The following MED21 variants were observed in gnomAD, a reference collection of about 807,000 sequenced individuals.
MED21 encodes the protein mediator of RNA polymerase II transcription subunit 21.
MED21 carries 9 observed loss-of-function variants against 18.2 expected under a neutral mutation model. The ratio of observed to expected loss-of-function variants is 0.49; its 90% CI spans 0.30 to 0.86. The LOEUF is 0.86. MED21 is among the 40% of genes least tolerant of loss of function. The pLI, the probability that MED21 is intolerant of heterozygous loss-of-function variation, is 0.07. For synonymous variants in MED21, 73 were observed against 60.5 expected (o/e 1.21, Z -0.96); for missense variants, 150 against 170.9 (o/e 0.88, Z 0.68).
rs1941570971 is a variant in MED21, at chr12:27,028,279, A to C, written c.259-6A>C. On this transcript the variant is annotated splice_polypyrimidine_tract_variant and splice_region_variant and intron_variant, in intron 3 of 3. Coordinates refer to ENST00000282892, the MANE Select transcript of MED21 (RefSeq NM_004264.5). ...CTAAAGATTTTAAAATTTGTGTCTT[A>C]TAAAGGCTGCTAGCTTGTATAAGCT... 4 of 1,603,452 alleles carry C rather than the reference A, an allele frequency of 2.5e-6. No homozygotes were observed. The highest frequency in any genetic ancestry group is 3.4e-6 in the Non-Finnish European group (4 of 1,174,288).
In MED21 at chr12:27,029,355, G is replaced by A; in HGVS notation, c.*894G>A. On this transcript the variant is annotated 3_prime_UTR_variant, in exon 4 of 4. Transcript: ENST00000282892. ...TTATTATTGCCAAATAATAATTTGT[G>A]TCAGCATTTTCAACTATGGTTATTC... The A allele has an allele frequency of 1.0e-6, 1 of 985,284 alleles. No individual in the cohort carries two copies. The allele number at this position is 985,284 out of a possible 1,614,324, so 61.0% of individuals were successfully genotyped here.
At chr12:27,037,740 G>A (rs1359996656) in intron 2 of MED21, 1 of 151,908 alleles carries the variant, frequency 6.6e-6, no homozygotes, top group Non-Finnish European at 1.5e-5. Flanking sequence ...ATATTCAAAG[G>A]GCAGCTGTTT....
At chr12:27,034,261 C>T (rs996652286), downstream of MED21, among the ~76,000 whole-genome samples, 9 of 151,988 alleles carry the variant, frequency 5.9e-5, no homozygotes, top group African/African-American at 2.2e-4. Context: ...ACTAAAAATA[C>T]AAAAAATTAG....
Position 27,022,739 on chromosome 12 carries a change from G to T in MED21, c.42+118G>T, listed in dbSNP as rs370587693. On this transcript the variant is annotated intron_variant, in intron 1 of 3. Coordinates refer to ENST00000282892, the MANE Select transcript of MED21 (RefSeq NM_004264.5). ...GGAGCGGACTGAGAGACAGGGCTTCGGCATAAAGCGCTCTCTCGGGAGGCG... is the reference window on the plus strand; with the variant it reads ...GGAGCGGACTGAGAGACAGGGCTTCTGCATAAAGCGCTCTCTCGGGAGGCG... 46 of 1,578,286 alleles carry T rather than the reference G, an allele frequency of 2.9e-5. No homozygotes were observed. The East Asian group carries it at 5.5e-4, about 19-fold the overall frequency.
intron 2 of MED21, 100 bp from the exon 3 acceptor site, chr12:27,027,247 C>A: frequency 1.3e-6 from 1 of 742,006 alleles, no homozygotes; most frequent in Non-Finnish European, 2.2e-6. Flanking sequence ...AATCTTAGGG[C>A]AGAAAAAGCT....
intron 1 of MED21, among the ~76,000 whole-genome samples, chr12:27,025,934 C>T (rs79740132): frequency 0.02 from 3,029 of 152,284 alleles, 102 homozygotes; most frequent in African/African-American, 0.069. Context: ...TGAGCAGCCT[C>T]TTCCTCACTA....
intron 1 of MED21, chr12:27,022,831 C>G: frequency 6.7e-7 from 1 of 1,486,300 alleles, no homozygotes; most frequent in Non-Finnish European, 8.9e-7. Context: ...AGGGAGCAGA[C>G]TCTTTCGCTT....
chr12:27,027,292 G>T lies in MED21; in HGVS notation c.158-55G>T. 3.1e-6 allele frequency: 4 copies of T among 1,273,912 alleles called. No homozygotes were observed. The South Asian group carries it at 5.1e-5, about 16-fold the overall frequency. 78.9% of individuals were successfully genotyped at this position (1,273,912 alleles called of 1,614,324 possible). Reference sequence around the variant, plus strand: ...TTCTGGTTTCATTAACTTAAAATTTGTTTCTGAAAACTTGAGGTTTTCTAA... The same window carrying T: ...TTCTGGTTTCATTAACTTAAAATTTTTTTCTGAAAACTTGAGGTTTTCTAA... On this transcript the variant is annotated intron_variant, in intron 2 of 3. Transcript: ENST00000282892.
intron 1 of MED21, among the ~76,000 whole-genome samples, chr12:27,023,411 T>C (rs1043353712): frequency 7.8e-6 from 1 of 128,910 alleles, no homozygotes; most frequent in African/African-American, 2.6e-5. Flanking sequence ...GCGATTCTCC[T>C]GTCTGAGCCA....
intron 1 of MED21, among the ~76,000 whole-genome samples, chr12:27,025,154 A>G (rs1941527344): frequency 6.6e-6 from 1 of 152,236 alleles, no homozygotes; most frequent in Non-Finnish European, 1.5e-5. Context: ...CTCTATTACA[A>G]CAATGCTATA....
intron 2 of MED21, chr12:27,038,176 A>T (rs1427146078): frequency 6.6e-6 from 1 of 152,204 alleles, no homozygotes; most frequent in African/African-American, 2.4e-5. Flanking sequence ...CTTAAAGATG[A>T]TATAATTACA....
chr12:27,034,345 C>G (rs542237189), downstream of MED21, among the ~76,000 whole-genome samples: 248 of 152,202 alleles, frequency 1.6e-3, 1 homozygote, highest in African/African-American at 5.5e-3. Context: ...TCGGTACAGC[C>G]TGGGAGGCGG....
At chr12:27,028,056 G>A (rs554448910) in intron 3 of MED21, among the ~76,000 whole-genome samples, 53 of 152,264 alleles carry the variant, frequency 3.5e-4, no homozygotes, top group African/African-American at 1.1e-3. Flanking sequence ...GTGTCTAAAC[G>A]TAATGTGTAA....
downstream of MED21, among the ~76,000 whole-genome samples, chr12:27,031,865 G>C (rs1315291819): frequency 6.6e-6 from 1 of 152,126 alleles, no homozygotes; most frequent in Non-Finnish European, 1.5e-5. Flanking sequence ...GCTAAATGAG[G>C]TTATTGTAGT....
Position 27,028,726 on chromosome 12 carries a change from T to C in MED21, c.*265T>C. The C allele has an allele frequency of 1.8e-6, 2 of 1,092,696 alleles. No individual in the cohort carries two copies. The highest frequency in any genetic ancestry group is 2.2e-6 in the Non-Finnish European group (2 of 895,104). 67.7% of individuals were successfully genotyped at this position (1,092,696 alleles called of 1,614,324 possible). The stretch of plus-strand genomic sequence containing the variant: ...ATGTAATACATTAATGAACATAATA[T>C]AAGGAAACATATGTAAAATTCTGTT... On this transcript the variant is annotated 3_prime_UTR_variant, in exon 4 of 4. Coordinates refer to ENST00000282892, the MANE Select transcript of MED21 (RefSeq NM_004264.5).
At chr12:27,034,037 A>G (rs1430381103), downstream of MED21, among the ~76,000 whole-genome samples, 1 of 152,172 alleles carries the variant, frequency 6.6e-6, no homozygotes, top group Non-Finnish European at 1.5e-5. Flanking sequence ...TATGGCTGAA[A>G]AAAGAGTTTT....
At chr12:27,036,537 G>A (rs962692568) in intron 2 of MED21, among the ~76,000 whole-genome samples, 3 of 152,182 alleles carry the variant, frequency 2.0e-5, no homozygotes, top group African/African-American at 7.2e-5. Flanking sequence ...GAATGGTAAT[G>A]TCTAGGTTTT....
chr12:27,035,875 T>G (rs1294331711), intron 2 of MED21, among the ~76,000 whole-genome samples: 1 of 151,868 alleles, frequency 6.6e-6, no homozygotes, highest in African/African-American at 2.4e-5. Context: ...TCTTTGCTAT[T>G]GTGAATAGTG....
At position 27,028,457 on chromosome 12, in the gene MED21, C is replaced by T; in HGVS notation, c.431C>T (p.Ser144Leu). The T allele has an allele frequency of 6.2e-7, 1 of 1,612,918 alleles. No individual in the cohort carries two copies. Among genetic ancestry groups the T allele is most frequent in the African/African-American group, 1.3e-5 (1 of 74,996 alleles). ...ACCCATAGCCAGTCTCTTCCAGACT[C>T]ATAGCATCAGTGGATACCATGTGGC... ...SGTHSQSLPDS is the reference protein window; with the variant it reads ...SGTHSQSLPDL The change falls in exon 4 of 4, where the codon TCA (serine) becomes TTA (leucine). Residue 144 changes from serine (S) to leucine (L), a missense_variant. Transcript: ENST00000282892.
Sources: allele counts gnomAD v4.1 joint callset (sites outside exome capture counted in the v4.1 genomes callset), GRCh38; gene constraint gnomAD v4.1.1; transcripts MANE v1.5; gene names NCBI Gene and HGNC (gene_info 2026-07-23, HGNC 2026-07-21).